Variants in SLIT3 observed in about 807,000 individuals in gnomAD.
SLIT3 encodes slit homolog 3 protein.
A neutral mutation model predicts 184.0 loss-of-function variants in SLIT3; 68 were observed. The observed-to-expected ratio is 0.37, with a 90% CI of 0.30 to 0.45. The LOEUF is 0.45. Ranked by LOEUF, SLIT3 falls within the 20% of genes least tolerant of loss-of-function variation. The pLI is 1.00. For missense variants in SLIT3, 1,707 were observed against 2,026.0 expected, an observed-to-expected ratio of 0.84 and a Z score of 3.02; for synonymous variants, 831 against 828.6, an observed-to-expected ratio of 1.00 and a Z score of -0.05.
In SLIT3 at chr5:169,013,855, C is replaced by T. The variant is rs973936552; in HGVS notation, c.414-130519G>A. 1.7e-4 allele frequency among the ~76,000 whole-genome samples: 26 copies of T among 152,202 alleles called. 1 individual carries two copies. Among genetic ancestry groups the T allele is most frequent in the Non-Finnish European group, 7.3e-5 (5 of 68,040 alleles). On this transcript the variant is annotated intron_variant, in intron 4 of 35. Transcript: ENST00000519560. ...GTCGTATTTTCTCATGCCACTTACTCTAAAGTGCCTGGTTTATAGATCTGC... is the reference window on the plus strand; with the variant it reads ...GTCGTATTTTCTCATGCCACTTACTTTAAAGTGCCTGGTTTATAGATCTGC...
At chr5:169,044,703 G>T (rs1757567726) in intron 4 of SLIT3, among the ~76,000 whole-genome samples, 1 of 152,010 alleles carries the variant, frequency 6.6e-6, no homozygotes, top group Admixed American at 6.6e-5. Context: ...AGACTAAAAA[G>T]CACTGAATGA....
chr5:168,940,322 G>A (rs554451879), intron 4 of SLIT3, among the ~76,000 whole-genome samples: 2 of 152,290 alleles, frequency 1.3e-5, no homozygotes, highest in East Asian at 3.9e-4. Flanking sequence ...GATGTCACTA[G>A]TTCTTTGTGC....
intron 4 of SLIT3, among the ~76,000 whole-genome samples, chr5:168,960,218 C>A (rs1762957834): frequency 6.6e-6 from 1 of 152,174 alleles, no homozygotes; most frequent in Admixed American, 6.5e-5. Context: ...TACTGCATGG[C>A]AGGTAATAGT....
Position 168,849,625 on chromosome 5 carries a change from T to C in SLIT3, c.486-4970A>G, listed in dbSNP as rs914151418. Reference sequence around the variant, plus strand: ...TAGGTACTCAGGATGAAGAATAAAGTATAAGACACGCTTTGAAAATATTTG... The same window carrying C: ...TAGGTACTCAGGATGAAGAATAAAGCATAAGACACGCTTTGAAAATATTTG... On this transcript the variant is annotated intron_variant, in intron 5 of 35. Coordinates refer to ENST00000519560, the MANE Select transcript of SLIT3 (RefSeq NM_003062.4). Among the ~76,000 whole-genome samples the C allele has an allele frequency of 1.4e-4, 21 of 152,202 alleles. 1 individual carries two copies. The highest frequency in any genetic ancestry group is 7.9e-4 in the Admixed American group (12 of 15,278).
intron 4 of SLIT3, chr5:169,012,809 A>C (rs1756205708): frequency 6.6e-6 from 1 of 152,192 alleles, no homozygotes; most frequent in African/African-American, 2.4e-5. Flanking sequence ...AGTGAGGCAA[A>C]GATGTAAAGA....
At chr5:168,766,520 G>A (rs938674395) in intron 14 of SLIT3, among the ~76,000 whole-genome samples, 6 of 152,234 alleles carry the variant, frequency 3.9e-5, no homozygotes, top group South Asian at 2.1e-4. Context: ...GCAGGGAGCC[G>A]TCCTAGTAAG....
chr5:168,688,933 A>G (rs893546306), intron 29 of SLIT3, among the ~76,000 whole-genome samples: 1 of 152,240 alleles, frequency 6.6e-6, no homozygotes, highest in African/African-American at 2.4e-5. Context: ...CCAATATTTT[A>G]AGCCTGGACT....
At chr5:169,234,434 A>G (rs979738220) in intron 3 of SLIT3, among the ~76,000 whole-genome samples, 4 of 152,122 alleles carry the variant, frequency 2.6e-5, no homozygotes, top group African/African-American at 9.7e-5. Context: ...TCTGAGATGC[A>G]GTCTCACTCT....
At chr5:168,907,658 G>A (rs569638779) in intron 4 of SLIT3, among the ~76,000 whole-genome samples, 1 of 151,954 alleles carries the variant, frequency 6.6e-6, no homozygotes, top group Non-Finnish European at 1.5e-5. Context: ...AATACATATA[G>A]CATAGCACAT....
intron 23 of SLIT3, among the ~76,000 whole-genome samples, chr5:168,719,460 T>C (rs1388534745): frequency 6.6e-6 from 1 of 152,260 alleles, no homozygotes; most frequent in Non-Finnish European, 1.5e-5. Context: ...TTCATAGGTA[T>C]AAATGTTTAC....
At chr5:169,258,369 T>C (rs1031197333) in intron 1 of SLIT3, among the ~76,000 whole-genome samples, 1 of 152,210 alleles carries the variant, frequency 6.6e-6, no homozygotes, top group Non-Finnish European at 1.5e-5. Context: ...AACAAAGACA[T>C]ACCCTTAGTA....
chr5:168,718,068 G>A (rs576038068), intron 23 of SLIT3: 1 of 152,072 alleles, frequency 6.6e-6, no homozygotes, highest in African/African-American at 2.4e-5. Flanking sequence ...TTATTTTACA[G>A]ATGTCAAAGT....
chr5:169,275,716 T>C (rs1766779416), intron 1 of SLIT3, among the ~76,000 whole-genome samples: 1 of 152,148 alleles, frequency 6.6e-6, no homozygotes. Context: ...ATCATGAGAA[T>C]AGCATGGGAA....
At chr5:169,126,037 A>G (rs1443584987) in intron 4 of SLIT3, among the ~76,000 whole-genome samples, 1 of 152,124 alleles carries the variant, frequency 6.6e-6, no homozygotes, top group African/African-American at 2.4e-5. Flanking sequence ...GCAGGTTTGC[A>G]CTGAGACCCA....
chr5:169,007,292 G>A (rs1381908564), intron 4 of SLIT3, among the ~76,000 whole-genome samples: 1 of 152,164 alleles, frequency 6.6e-6, no homozygotes, highest in African/African-American at 2.4e-5. Flanking sequence ...CTTTAAAGCA[G>A]TGTGAAAACA....
At chr5:168,952,087 T>C (rs1351009187) in intron 4 of SLIT3, among the ~76,000 whole-genome samples, 1 of 152,116 alleles carries the variant, frequency 6.6e-6, no homozygotes, top group Non-Finnish European at 1.5e-5. Context: ...AGGAAATAGA[T>C]TTAATGAGAA....
At chr5:168,829,678 AG>A (rs34138820) in intron 6 of SLIT3, among the ~76,000 whole-genome samples, 28,349 of 152,268 alleles carry the variant, frequency 0.19, 2,850 homozygotes, top group South Asian at 0.31. Context: ...CAAGCCTAGA[AG>A]AAAGTGCAAT....
At chr5:168,845,624 G>T (rs899340910) in intron 5 of SLIT3, among the ~76,000 whole-genome samples, 4 of 148,626 alleles carry the variant, frequency 2.7e-5, no homozygotes, top group Non-Finnish European at 4.5e-5. Context: ...AGATACCAGG[G>T]TTTTTTTTTT....
chr5:168,758,833 A>G (rs974631854), intron 16 of SLIT3, among the ~76,000 whole-genome samples: 3 of 152,146 alleles, frequency 2.0e-5, no homozygotes, highest in African/African-American at 7.2e-5. Context: ...GGTACAGTCC[A>G]CTCTCATTAT....
Sources: gnomAD v4.1 joint callset for allele counts (sites outside exome capture counted in the v4.1 genomes callset) on GRCh38, gnomAD v4.1.1 for gene constraint, MANE v1.5 for transcripts, NCBI Gene and HGNC (gene_info 2026-07-23, HGNC 2026-07-21) for gene names.